Variants in BICD2 observed in about 807,000 individuals in gnomAD.
The protein encoded by BICD2 is protein bicaudal D homolog 2.
BICD2 carries 25 observed loss-of-function variants against 72.9 expected under a neutral mutation model. The observed-to-expected ratio is 0.34, with a 90% CI of 0.25 to 0.48. BICD2 has a LOEUF of 0.48. Ranked by LOEUF, BICD2 falls within the 20% of genes least tolerant of loss-of-function variation. BICD2 has a pLI of 0.99. For synonymous variants in BICD2, 501 were observed against 516.1 expected (o/e 0.97, Z 0.40); for missense variants, 894 against 1,175.2 (o/e 0.76, Z 3.50).
At chr9:92,718,441 C>CT (rs1853369653) in intron 5 of BICD2, 98 bp downstream of exon 5, 1 of 1,450,004 alleles carries the variant, frequency 6.9e-7, no homozygotes, top group Non-Finnish European at 9.2e-7. Flanking sequence ...TGACGCAGGC[C>CT]TGGGGGGGCC....
At chr9:92,721,380 T>C (rs1375909603) in intron 3 of BICD2, among the ~76,000 whole-genome samples, 1 of 151,970 alleles carries the variant, frequency 6.6e-6, no homozygotes, top group Non-Finnish European at 1.5e-5. Flanking sequence ...AGCTCGAAGG[T>C]AGGTGGGAAA....
intron 1 of BICD2, among the ~76,000 whole-genome samples, chr9:92,752,985 C>T (rs1277022331): frequency 3.3e-5 from 5 of 152,094 alleles, no homozygotes; most frequent in Non-Finnish European, 1.5e-5. Context: ...TTTAGAGTGG[C>T]GGTCAGGTGA....
chr9:92,737,843 G>A lies in BICD2; in HGVS notation c.241-8607C>T, dbSNP rs115459272. Among the ~76,000 whole-genome samples the A allele has an allele frequency of 9.0e-3, 1,370 of 152,312 alleles. 23 individuals are homozygous for A. Among genetic ancestry groups the A allele is most frequent in the African/African-American group, 0.032 (1,322 of 41,560 alleles). On this transcript the variant is annotated intron_variant, in intron 1 of 6. Coordinates refer to ENST00000356884, the MANE Select transcript of BICD2 (RefSeq NM_001003800.2). ...AAACAGTGGCAGGTGATCAGAGCCT[G>A]GGAGGATGGGGAAGTGCGCCAGGTG...
intron 1 of BICD2, among the ~76,000 whole-genome samples, chr9:92,732,268 A>G (rs932447587): frequency 6.6e-6 from 1 of 152,240 alleles, no homozygotes; most frequent in Non-Finnish European, 1.5e-5. Context: ...AAACACAGAG[A>G]AAAAAAGGCT....
chr9:92,735,314 T>C (rs1026052116), intron 1 of BICD2, among the ~76,000 whole-genome samples: 1 of 152,072 alleles, frequency 6.6e-6, no homozygotes. Flanking sequence ...CACAGTGGCA[T>C]GGCCTCGGGA....
At chr9:92,761,223 G>T (rs1854366438) in intron 1 of BICD2, among the ~76,000 whole-genome samples, 1 of 152,212 alleles carries the variant, frequency 6.6e-6, no homozygotes, top group African/African-American at 2.4e-5. Flanking sequence ...CCCTTGGGAG[G>T]TGGCAATGGA....
Position 92,713,624 on chromosome 9 carries a change from A to G in BICD2, c.*1530T>C. ...GGGTCCCAGTGGCTTGGGTGTCTGC[A>G]AAGTCCCTTAGGAGTATGGAGAGAA... On this transcript the variant is annotated 3_prime_UTR_variant, in exon 7 of 7. Coordinates refer to ENST00000356884, the MANE Select transcript of BICD2 (RefSeq NM_001003800.2). 3 of 1,508,804 alleles carry G rather than the reference A, an allele frequency of 2.0e-6. No individual in the cohort carries two copies. The highest frequency in any genetic ancestry group is 2.7e-6 in the Non-Finnish European group (3 of 1,123,286). 93.5% of individuals were successfully genotyped at this position (1,508,804 alleles called of 1,614,324 possible).
intron 1 of BICD2, among the ~76,000 whole-genome samples, chr9:92,753,435 TACAGCA>T (rs1273953972): frequency 6.6e-6 from 1 of 152,228 alleles, no homozygotes; most frequent in Non-Finnish European, 1.5e-5. Flanking sequence ...GTGTGGGGTA[TACAGCA>T]ACTCTGTACT....
At position 92,714,259 on chromosome 9, in the gene BICD2, C is replaced by T. The variant is rs1853253105; in HGVS notation, c.*895G>A. On this transcript the variant is annotated 3_prime_UTR_variant, in exon 7 of 7. Transcript: ENST00000356884. ...GGCTCAGACTTCAGGCTAGGGTTTT[C>T]AAAGCCCCATGTCTTTGGGACTGAA... 1 of 985,524 alleles carries T rather than the reference C, an allele frequency of 1.0e-6. No homozygotes were observed. Among genetic ancestry groups the T allele is most frequent in the Non-Finnish European group, 1.2e-6 (1 of 829,994 alleles). 61.0% of individuals were successfully genotyped at this position (985,524 alleles called of 1,614,324 possible).
At chr9:92,729,284 C>A in intron 1 of BICD2, 48 bp from the exon 2 acceptor site, 1 of 1,595,928 alleles carries the variant, frequency 6.3e-7, no homozygotes, top group South Asian at 1.1e-5. Flanking sequence ...CCAGGGGCGC[C>A]GAAGGATAGA....
chr9:92,719,356 T>C lies in BICD2; in HGVS notation c.1289A>G (p.Asn430Ser), dbSNP rs1205779432. Residue 430 changes from asparagine (N) to serine (S), a missense_variant, in exon 5 of 7, where the codon AAC becomes AGC. Around this residue, in one of 5 missense-constraint regions of BICD2, gnomAD observed 371 missense variants for 439.1 expected, o/e 0.84. Coordinates refer to ENST00000356884, the MANE Select transcript of BICD2 (RefSeq NM_001003800.2). Reference protein sequence around the residue: ...EDGDYYEVDINGPEILACKYH... With the variant: ...EDGDYYEVDISGPEILACKYH... ...CTTGCAGGCCAAGATCTCAGGCCCGTTGATGTCCACCTCGTAGTAGTCCCC... is the reference window on the plus strand; with the variant it reads ...CTTGCAGGCCAAGATCTCAGGCCCGCTGATGTCCACCTCGTAGTAGTCCCC... 5 of 1,614,038 alleles carry C rather than the reference T, an allele frequency of 3.1e-6. No homozygotes were observed. The highest frequency in any genetic ancestry group is 1.7e-5 in the Admixed American group (1 of 60,006).
chr9:92,735,044 C>T (rs548653220), intron 1 of BICD2, among the ~76,000 whole-genome samples: 1 of 152,360 alleles, frequency 6.6e-6, no homozygotes, highest in Non-Finnish European at 1.5e-5. Context: ...TGGGCGAACA[C>T]TGTGCTTGAC....
intron 1 of BICD2, 33 bp from the exon 2 acceptor site, chr9:92,729,269 G>A (rs776223843): frequency 4.3e-6 from 7 of 1,609,770 alleles, no homozygotes; most frequent in Middle Eastern, 1.7e-4. Flanking sequence ...CGTGAGGTGG[G>A]CCTCCCAGGG....
At chr9:92,744,018 C>T (rs1053862435) in intron 1 of BICD2, among the ~76,000 whole-genome samples, 24 of 152,162 alleles carry the variant, frequency 1.6e-4, no homozygotes, top group Non-Finnish European at 1.5e-5. Context: ...GACAGGAGCT[C>T]GCCACACACT....
chr9:92,761,996 C>T (rs1854382135), intron 1 of BICD2, among the ~76,000 whole-genome samples: 1 of 152,168 alleles, frequency 6.6e-6, no homozygotes, highest in African/African-American at 2.4e-5. Context: ...CCACAAGACC[C>T]TCCTCAGCTC....
At position 92,745,774 on chromosome 9, in the gene BICD2, G is replaced by A. The variant is rs79606312; in HGVS notation, c.241-16538C>T. On this transcript the variant is annotated intron_variant, in intron 1 of 6. Transcript: ENST00000356884. Reference sequence around the variant, plus strand: ...TCCGAGAACACACATCTCCATAAACGTTTCCCCAAGAGGGTCTGAAGAGAA... The same window carrying A: ...TCCGAGAACACACATCTCCATAAACATTTCCCCAAGAGGGTCTGAAGAGAA... 1.3e-4 allele frequency among the ~76,000 whole-genome samples: 20 copies of A among 152,270 alleles called. No individual in the cohort carries two copies. The East Asian group carries it at 3.7e-3, about 28-fold the overall frequency.
chr9:92,762,057 C>T (rs74453373), intron 1 of BICD2, among the ~76,000 whole-genome samples: 1,686 of 152,318 alleles, frequency 0.011, 22 homozygotes, highest in South Asian at 0.054. Context: ...CTTCCCTCAA[C>T]GATCCTATTA....
chr9:92,752,172 C>T (rs111496980), intron 1 of BICD2, among the ~76,000 whole-genome samples: 8 of 152,146 alleles, frequency 5.3e-5, no homozygotes, highest in African/African-American at 1.9e-4. Context: ...TCAAAGACAC[C>T]CTAATAGCAA....
At chr9:92,727,554 A>G (rs1157258174) in intron 2 of BICD2, among the ~76,000 whole-genome samples, 2 of 152,162 alleles carry the variant, frequency 1.3e-5, no homozygotes, top group Non-Finnish European at 2.9e-5. Context: ...GCCATTCCCA[A>G]TGAGAACCTG....
Sources: gnomAD v4.1 joint callset for allele counts (sites outside exome capture counted in the v4.1 genomes callset) on GRCh38, gnomAD v4.1.1 for gene constraint, gnomAD v4.1.1 regional missense constraint, MANE v1.5 for transcripts, NCBI Gene and HGNC (gene_info 2026-07-23, HGNC 2026-07-21) for gene names.